CNTN5: variants seen among roughly 807,000 people sequenced by gnomAD.
CNTN5 encodes the protein contactin-5.
Under a neutral mutation model 129.1 loss-of-function variants are expected in CNTN5, and 77 were observed. The observed-to-expected ratio is 0.60, with a 90% CI of 0.50 to 0.72. The LOEUF is 0.72. Ranked by LOEUF, CNTN5 falls within the 30% of genes least tolerant of loss-of-function variation. CNTN5 has a pLI of 0.00. For missense variants in CNTN5, 1,478 were observed against 1,328.8 expected (o/e 1.11, Z -1.75); for synonymous variants, 509 against 465.6 (o/e 1.09, Z -1.20).
intron 6 of CNTN5, among the ~76,000 whole-genome samples, chr11:99,861,803 T>A (rs1348931408): frequency 1.3e-5 from 2 of 152,210 alleles, no homozygotes; most frequent in African/African-American, 4.8e-5. Flanking sequence ...GGCTTACCTT[T>A]AGAAATTAGG....
chr11:100,054,871 A>T (rs904148645), intron 9 of CNTN5, among the ~76,000 whole-genome samples: 5 of 151,734 alleles, frequency 3.3e-5, no homozygotes, highest in African/African-American at 1.2e-4. Context: ...TTCTCTACAC[A>T]GTCGTTTAGA....
intron 2 of CNTN5, among the ~76,000 whole-genome samples, chr11:99,484,132 G>A (rs2135323922): frequency 6.6e-6 from 1 of 151,940 alleles, no homozygotes; most frequent in Non-Finnish European, 1.5e-5. Context: ...ATCTGACGAG[G>A]ATTAATACCC....
At chr11:100,321,615 T>C (rs1020444668) in intron 21 of CNTN5, among the ~76,000 whole-genome samples, 5 of 152,178 alleles carry the variant, frequency 3.3e-5, no homozygotes, top group African/African-American at 9.7e-5. Context: ...GTATGCATCC[T>C]TGTCTTTTTC....
chr11:100,052,114 G>T (rs4753966), intron 9 of CNTN5, among the ~76,000 whole-genome samples: 9 of 151,590 alleles, frequency 5.9e-5, no homozygotes, highest in African/African-American at 1.7e-4. Flanking sequence ...TCACATGAAT[G>T]GGATAAAAGA....
intron 1 of CNTN5, among the ~76,000 whole-genome samples, chr11:99,166,824 T>A (rs1040400620): frequency 6.9e-6 from 1 of 144,004 alleles, no homozygotes; most frequent in Non-Finnish European, 1.5e-5. Context: ...GCCCCAGATC[T>A]GTTTGAAGAA....
chr11:99,401,273 GA>G (rs943752979), intron 2 of CNTN5, among the ~76,000 whole-genome samples: 85 of 152,194 alleles, frequency 5.6e-4, no homozygotes, highest in African/African-American at 1.9e-3. Flanking sequence ...CAGAGATAGG[GA>G]TCTAGTTTCA....
At chr11:99,769,976 A>AT (rs1219213035) in intron 3 of CNTN5, among the ~76,000 whole-genome samples, 3 of 152,086 alleles carry the variant, frequency 2.0e-5, no homozygotes, top group African/African-American at 4.8e-5. Flanking sequence ...TTTGTTTTAC[A>AT]TTTTTTTGTT....
intron 7 of CNTN5, among the ~76,000 whole-genome samples, chr11:99,934,872 C>CTGTGTGTGTGTGTGTGTGTGTG (rs369560126): frequency 8.0e-5 from 4 of 50,118 alleles, no homozygotes; most frequent in Admixed American, 2.6e-4. Flanking sequence ...GAGACTCAGT[C>CTGTGTGTGTGTGTGTGTGTGTG]TGTGTGTGTG....
chr11:100,050,487 A>C (rs1305865379), intron 9 of CNTN5, among the ~76,000 whole-genome samples: 1 of 147,260 alleles, frequency 6.8e-6, no homozygotes, highest in Non-Finnish European at 1.5e-5. Flanking sequence ...GGGTGGGGAG[A>C]GGGGGGAGGG....
chr11:99,394,085 A>T (rs1465086486), intron 2 of CNTN5, among the ~76,000 whole-genome samples: 1 of 151,814 alleles, frequency 6.6e-6, no homozygotes, highest in South Asian at 2.1e-4. Context: ...TATGTGAAGT[A>T]CCCTCTTTAT....
intron 3 of CNTN5, among the ~76,000 whole-genome samples, chr11:99,793,099 G>A (rs60157261): frequency 4.0e-5 from 6 of 149,190 alleles, no homozygotes; most frequent in Non-Finnish European, 4.4e-5. Context: ...TCACTCTGTC[G>A]CCCAGGCTGG....
At chr11:99,682,964 A>C (rs1484129593) in intron 3 of CNTN5, among the ~76,000 whole-genome samples, 2 of 151,948 alleles carry the variant, frequency 1.3e-5, no homozygotes, top group Admixed American at 1.3e-4. Context: ...GCAGGGAAAT[A>C]TAAAGACAAA....
chr11:100,344,639 A>C (rs896089788), intron 23 of CNTN5, among the ~76,000 whole-genome samples: 1 of 152,116 alleles, frequency 6.6e-6, no homozygotes, highest in African/African-American at 2.4e-5. Flanking sequence ...AGATGAGAAT[A>C]ATTTGAGTGT....
chr11:99,524,581 G>A (rs1947413955), intron 2 of CNTN5, among the ~76,000 whole-genome samples: 1 of 152,048 alleles, frequency 6.6e-6, no homozygotes. Flanking sequence ...GGAGGCTGAG[G>A]CAGGCAGATT....
chr11:99,547,147 T>A (rs368615511), intron 2 of CNTN5, among the ~76,000 whole-genome samples: 30 of 151,646 alleles, frequency 2.0e-4, no homozygotes, highest in Admixed American at 7.2e-4. Flanking sequence ...GGGATTACAG[T>A]CATGCACCAC....
chr11:99,022,984 C>A (rs2135055426), intron 1 of CNTN5, among the ~76,000 whole-genome samples: 1 of 152,218 alleles, frequency 6.6e-6, no homozygotes, highest in Non-Finnish European at 1.5e-5. Context: ...AATATAATCC[C>A]ATAGATTAAC....
intron 7 of CNTN5, among the ~76,000 whole-genome samples, chr11:99,928,333 A>G (rs979309133): frequency 2.6e-5 from 4 of 152,186 alleles, no homozygotes; most frequent in Admixed American, 6.5e-5. Flanking sequence ...ACACTAGGCA[A>G]TGCCCAAGTG....
intron 14 of CNTN5, 85 bp from the exon 15 acceptor site, chr11:100,193,403 C>G: frequency 1.1e-6 from 1 of 871,452 alleles, no homozygotes; most frequent in Non-Finnish European, 1.7e-6. Context: ...TAGATTTCTT[C>G]TTTTCTCAAT....
intron 1 of CNTN5, among the ~76,000 whole-genome samples, chr11:99,109,073 T>C (rs897055750): frequency 1.3e-5 from 2 of 151,840 alleles, no homozygotes; most frequent in Non-Finnish European, 2.9e-5. Flanking sequence ...ATAGTGTATG[T>C]ACATATCTAT....
Sources: gnomAD v4.1 joint callset for allele counts (sites outside exome capture counted in the v4.1 genomes callset) on GRCh38, gnomAD v4.1.1 for gene constraint, MANE v1.5 for transcripts, NCBI Gene and HGNC (gene_info 2026-07-23, HGNC 2026-07-21) for gene names.